The following TBC1D2 variants were observed in gnomAD, a reference collection of about 807,000 sequenced individuals.
TBC1D2 encodes the protein TBC1 domain family member 2.
Under a neutral mutation model 91.1 loss-of-function variants are expected in TBC1D2, and 58 were observed. The ratio of observed to expected loss-of-function variants is 0.64; its 90% CI spans 0.52 to 0.79. The LOEUF is 0.79. Ranked by LOEUF, TBC1D2 falls within the 30% of genes least tolerant of loss-of-function variation. The pLI is 0.00. For synonymous variants in TBC1D2, 482 were observed against 511.5 expected (o/e 0.94, Z 0.78); for missense variants, 1,080 against 1,208.3 (o/e 0.89, Z 1.57).
chr9:98,220,789 CAG>C, intron 6 of TBC1D2, 42 bp downstream of exon 6: 1 of 1,601,904 alleles, frequency 6.2e-7, no homozygotes, highest in Non-Finnish European at 8.5e-7. Context: ...AGGGCTGGGA[CAG>C]AGGACCGGCA....
In TBC1D2 at chr9:98,255,135, A is replaced by G; in HGVS notation, c.369+38T>C. 3 of 1,569,702 alleles carry G rather than the reference A, an allele frequency of 1.9e-6. No homozygotes were observed. In the South Asian group the frequency reaches 3.5e-5, roughly 18 times the overall value. On this transcript the variant is annotated intron_variant, in intron 1 of 12. Transcript: ENST00000465784. ...CCTTGCCCTGCGAAAAGGGGACCTC[A>G]CGCCGCTGGAAAGGAGAAAGTCGTT...
At chr9:98,239,045 T>A (rs1011744164) in intron 3 of TBC1D2, among the ~76,000 whole-genome samples, 4 of 151,666 alleles carry the variant, frequency 2.6e-5, no homozygotes, top group Admixed American at 6.6e-5. Context: ...TTTAAAAAAA[T>A]TATTTATTTA....
rs922171177 is a variant in TBC1D2 at position 98,244,966 on chromosome 9, C to T, written c.512-837G>A. Among the ~76,000 whole-genome samples the T allele has an allele frequency of 7.2e-5, 11 of 152,026 alleles. No individual in the cohort carries two copies. The East Asian group carries it at 1.2e-3, about 16-fold the overall frequency. ...CAGATTAAAAAAAAATTGGGCCGGG[C>T]GCAGTGGCTCACACCTGTAATCCCA... On this transcript the variant is annotated intron_variant, in intron 2 of 12. Coordinates refer to ENST00000465784, the MANE Select transcript of TBC1D2 (RefSeq NM_001267571.2).
Position 98,213,104 on chromosome 9 carries a change from G to A in TBC1D2, c.1485+4C>T, listed in dbSNP as rs754043681. 9 of 1,613,776 alleles carry A rather than the reference G, an allele frequency of 5.6e-6. No homozygotes were observed. The highest frequency in any genetic ancestry group is 2.2e-5 in the South Asian group (2 of 91,070). On this transcript the variant is annotated splice_donor_region_variant and intron_variant, in intron 7 of 12. Transcript: ENST00000465784. ...GACGGCTGGAATAGGGCCCCACCCC[G>A]CACCTTCGTCAGAAGGGCCTTCTCC...
In TBC1D2 at chr9:98,208,685, G is replaced by A. The variant is rs1340655428; in HGVS notation, c.2133C>T (p.Tyr711=). 6.5e-7 allele frequency: 1 copy of A among 1,530,244 alleles called. No individual in the cohort carries two copies. The highest frequency in any genetic ancestry group is 1.3e-5 in the South Asian group (1 of 78,912). 94.8% of individuals were successfully genotyped at this position (1,530,244 alleles called of 1,614,324 possible). ...AFSWQNPTIG[Y]CQGLNRLAAI... is the part of the protein sequence containing the mutation. ...TGGCTTACCTGTTCAGGCCCTGGCA[G>A]TAGCCGATGGTGGGGTTCTGCCAGG... Residue 711 remains tyrosine (Y), a synonymous_variant, in exon 9 of 13, where the codon TAC becomes TAT. Coordinates refer to ENST00000465784, the MANE Select transcript of TBC1D2 (RefSeq NM_001267571.2).
intron 11 of TBC1D2, 147 bp from the exon 12 acceptor site, chr9:98,200,521 G>C (rs941103402): frequency 4.8e-5 from 24 of 498,836 alleles, no homozygotes; most frequent in Non-Finnish European, 8.3e-5. Flanking sequence ...TGTGGGGATA[G>C]GCTCCAGGGG....
At chr9:98,238,649 C>A (rs368513240) in intron 3 of TBC1D2, among the ~76,000 whole-genome samples, 1 of 137,402 alleles carries the variant, frequency 7.3e-6, no homozygotes, top group South Asian at 2.1e-4. Context: ...GGAAAATATT[C>A]AGTCTTTTAC....
In TBC1D2 at chr9:98,255,250, C is replaced by A; in HGVS notation, c.292G>T (p.Ala98Ser). The A allele has an allele frequency of 6.2e-7, 1 of 1,614,242 alleles. No individual in the cohort carries two copies. Among genetic ancestry groups the A allele is most frequent in the Non-Finnish European group, 8.5e-7 (1 of 1,180,038 alleles). ...NPLDSIDLSS[A>S]VFDCKADAEE... is the part of the protein sequence containing the mutation. ...GCGTCCGCCTTACAGTCAAACACTG[C>A]ACTGGAGAGGTCGATGCTGTCCAAG... Residue 98 changes from alanine (A) to serine (S), a missense_variant, in exon 1 of 13, where the codon GCA becomes TCA. Coordinates refer to ENST00000465784, the MANE Select transcript of TBC1D2 (RefSeq NM_001267571.2).
chr9:98,231,199 C>G (rs1485934519), intron 4 of TBC1D2, among the ~76,000 whole-genome samples: 1 of 151,204 alleles, frequency 6.6e-6, no homozygotes, highest in African/African-American at 2.4e-5. Context: ...ATAGGAGTGC[C>G]TCAAGGGCTG....
At chr9:98,213,281 C>A in intron 6 of TBC1D2, 63 bp from the exon 7 acceptor site, 1 of 1,598,192 alleles carries the variant, frequency 6.3e-7, no homozygotes, top group South Asian at 1.1e-5. Context: ...CCTGGGGAGT[C>A]ACACCCTCAA....
At chr9:98,219,202 AC>A (rs772806182) in intron 6 of TBC1D2, among the ~76,000 whole-genome samples, 21 of 152,262 alleles carry the variant, frequency 1.4e-4, no homozygotes, top group Non-Finnish European at 2.5e-4. Context: ...AGTCAAGAGG[AC>A]TAGTTGGGCT....
intron 1 of TBC1D2, among the ~76,000 whole-genome samples, chr9:98,254,210 C>T (rs543931154): frequency 3.5e-4 from 54 of 152,338 alleles, no homozygotes; most frequent in Middle Eastern, 3.4e-3. Context: ...TCTCCTGGCA[C>T]ATTCTTCTCT....
At chr9:98,230,075 G>A (rs1829329922) in intron 4 of TBC1D2, among the ~76,000 whole-genome samples, 1 of 152,146 alleles carries the variant, frequency 6.6e-6, no homozygotes, top group Non-Finnish European at 1.5e-5. Flanking sequence ...CTGTGCTTCT[G>A]GTCTCTGCCA....
At chr9:98,211,411 C>G (rs1050156577) in intron 7 of TBC1D2, among the ~76,000 whole-genome samples, 1 of 152,162 alleles carries the variant, frequency 6.6e-6, no homozygotes. Flanking sequence ...TCCCACTTCA[C>G]AGCCCTCCTG....
chr9:98,251,791 C>A lies in TBC1D2; in HGVS notation c.505G>T (p.Glu169Ter). The A allele has an allele frequency of 6.3e-7, 1 of 1,582,704 alleles. No homozygotes were observed. The highest frequency in any genetic ancestry group is 8.6e-7 in the Non-Finnish European group (1 of 1,166,456). ...LAGNGPVLHL[E>*]LGQEEAELEE... Reference sequence around the variant, plus strand: ...AGGGTAGCCCATTGGGTACCTAGCTCGAGGTGCAGGACGGGCCCATTCCCA... The same window carrying A: ...AGGGTAGCCCATTGGGTACCTAGCTAGAGGTGCAGGACGGGCCCATTCCCA... Residue 169 changes from glutamate (E) to a stop codon, truncating the protein, a stop_gained, in exon 2 of 13, where the codon GAG becomes TAG. Transcript: ENST00000465784. LOFTEE classifies it high-confidence loss of function.
Position 98,203,287 on chromosome 9 carries a change from C to T in TBC1D2, c.2271+1G>A, listed in dbSNP as rs749457621. 6.2e-7 allele frequency: 1 copy of T among 1,614,196 alleles called. No homozygotes were observed. Among genetic ancestry groups the T allele is most frequent in the East Asian group, 2.2e-5 (1 of 44,888 alleles). Reference sequence around the variant, plus strand: ...CAAAGTCCCCTCCTGGCCCCACTTACCTGGGATGCCGTCAGCGTGTTGCAG... The same window carrying T: ...CAAAGTCCCCTCCTGGCCCCACTTATCTGGGATGCCGTCAGCGTGTTGCAG... On this transcript the variant is annotated splice_donor_variant, in intron 10 of 12. Coordinates refer to ENST00000465784, the MANE Select transcript of TBC1D2 (RefSeq NM_001267571.2). LOFTEE classifies it high-confidence loss of function.
chr9:98,245,562 G>A (rs1829747450), intron 2 of TBC1D2, among the ~76,000 whole-genome samples: 2 of 151,864 alleles, frequency 1.3e-5, no homozygotes, highest in Admixed American at 6.6e-5. Context: ...GTAAGACCCC[G>A]CCTCAAAAGA....
chr9:98,199,284 A>G lies in TBC1D2; in HGVS notation c.*97T>C. ...GGGACATGTCCAAGGTCACATGGTG[A>G]TGGGACACCCAGGGCTGGGCCACTG... On this transcript the variant is annotated 3_prime_UTR_variant, in exon 13 of 13. Coordinates refer to ENST00000465784, the MANE Select transcript of TBC1D2 (RefSeq NM_001267571.2). 1 of 1,350,476 alleles carries G rather than the reference A, an allele frequency of 7.4e-7. No individual in the cohort carries two copies. Among genetic ancestry groups the G allele is most frequent in the South Asian group, 1.3e-5 (1 of 78,750 alleles). 83.7% of individuals were successfully genotyped at this position (1,350,476 alleles called of 1,614,324 possible). A position where few individuals can be genotyped will look rare whatever the true frequency, so the allele number is the denominator to read the frequency against.
At chr9:98,213,728 A>G (rs1294457495) in intron 6 of TBC1D2, among the ~76,000 whole-genome samples, 1 of 152,262 alleles carries the variant, frequency 6.6e-6, no homozygotes, top group African/African-American at 2.4e-5. Flanking sequence ...TAAGCTTCCC[A>G]GTGATCATTT....
Sources: allele counts gnomAD v4.1 joint callset (sites outside exome capture counted in the v4.1 genomes callset), GRCh38; gene constraint gnomAD v4.1.1; transcripts MANE v1.5; gene names NCBI Gene and HGNC (gene_info 2026-07-23, HGNC 2026-07-21).